TECRL: variants seen among roughly 807,000 people sequenced by gnomAD.
TECRL encodes the protein trans-2,3-enoyl-CoA reductase like, also known as trans-2,3-enoyl-CoA reductase-like.
In TECRL, 63 loss-of-function variants were observed where a neutral mutation model predicts 52.8. That is an observed-to-expected ratio of 1.19 (90% CI 0.97 to 1.47). TECRL has a LOEUF of 1.47. TECRL is among the 40% of genes most tolerant of loss of function. The pLI, the probability that TECRL is intolerant of heterozygous loss-of-function variation, is 0.00. For missense variants in TECRL, 482 were observed against 429.6 expected, an observed-to-expected ratio of 1.12 and a Z score of -1.08; for synonymous variants, 164 against 141.9, an observed-to-expected ratio of 1.16 and a Z score of -1.10.
intron 1 of TECRL, among the ~76,000 whole-genome samples, chr4:64,379,246 A>G (rs1310394300): frequency 1.2e-5 from 1 of 84,156 alleles, no homozygotes; most frequent in Non-Finnish European, 2.3e-5. Flanking sequence ...ACACACACAC[A>G]TACACACACA....
At chr4:64,305,099 T>C in intron 7 of TECRL, 67 bp downstream of exon 7, 3 of 1,098,360 alleles carry the variant, frequency 2.7e-6, no homozygotes, top group Non-Finnish European at 3.9e-6. Flanking sequence ...TTTATGTATG[T>C]CATTTAGAAT....
intron 4 of TECRL, among the ~76,000 whole-genome samples, chr4:64,319,312 G>A (rs1173279034): frequency 1.4e-5 from 2 of 142,750 alleles, no homozygotes; most frequent in African/African-American, 5.4e-5. Context: ...AATAAAAATA[G>A]GGTATCATTA....
intron 2 of TECRL, among the ~76,000 whole-genome samples, chr4:64,361,157 T>C (rs1271427076): frequency 6.6e-6 from 1 of 152,102 alleles, no homozygotes; most frequent in Non-Finnish European, 1.5e-5. Context: ...GTCACTGCCA[T>C]AGCTTTCACC....
chr4:64,337,784 G>A (rs1719220249), intron 2 of TECRL, among the ~76,000 whole-genome samples: 1 of 151,968 alleles, frequency 6.6e-6, no homozygotes, highest in Non-Finnish European at 1.5e-5. Flanking sequence ...AAGAGGAGAG[G>A]GCACAAACAA....
chr4:64,300,059 T>A (rs750404424), intron 7 of TECRL, 42 bp from the exon 8 acceptor site: 1 of 1,482,274 alleles, frequency 6.7e-7, no homozygotes, highest in Non-Finnish European at 9.2e-7. Flanking sequence ...ATACTCATAG[T>A]TTGGATTGTC....
intron 8 of TECRL, among the ~76,000 whole-genome samples, chr4:64,293,157 T>C (rs1723485819): frequency 6.6e-6 from 1 of 152,124 alleles, no homozygotes; most frequent in African/African-American, 2.4e-5. Flanking sequence ...CAAAATAAAT[T>C]GTCAACTAAT....
chr4:64,361,931 A>C (rs1288708969), intron 2 of TECRL, among the ~76,000 whole-genome samples: 1 of 152,176 alleles, frequency 6.6e-6, no homozygotes, highest in Non-Finnish European at 1.5e-5. Context: ...GATACAGCAG[A>C]AGGTTAAAAT....
At chr4:64,401,864 T>C (rs1724382299) in intron 1 of TECRL, among the ~76,000 whole-genome samples, 1 of 152,154 alleles carries the variant, frequency 6.6e-6, no homozygotes, top group African/African-American at 2.4e-5. Context: ...GGTTTTCTCT[T>C]ATTTGCACAA....
intron 2 of TECRL, among the ~76,000 whole-genome samples, chr4:64,347,005 G>A (rs927660119): frequency 1.3e-5 from 2 of 152,132 alleles, no homozygotes; most frequent in Admixed American, 1.3e-4. Flanking sequence ...ACCCAGAATT[G>A]TGTTATTTGA....
intron 4 of TECRL, among the ~76,000 whole-genome samples, chr4:64,320,794 G>T (rs914100771): frequency 6.6e-6 from 1 of 151,990 alleles, no homozygotes; most frequent in African/African-American, 2.4e-5. Context: ...TTAAGCAAAG[G>T]TCTGTAGACA....
intron 1 of TECRL, among the ~76,000 whole-genome samples, chr4:64,385,943 A>G (rs1032510431): frequency 2.6e-5 from 4 of 152,074 alleles, no homozygotes; most frequent in Non-Finnish European, 5.9e-5. Flanking sequence ...ACCTTTCATG[A>G]TTCAGAGCTT....
At chr4:64,365,781 T>A (rs560498422) in intron 2 of TECRL, among the ~76,000 whole-genome samples, 25 of 151,694 alleles carry the variant, frequency 1.6e-4, no homozygotes, top group Non-Finnish European at 2.9e-4. Flanking sequence ...AAAGAATCAA[T>A]ATTGTTAAAA....
Position 64,281,570 on chromosome 4 carries a change from G to A in TECRL, c.833-11C>T, listed in dbSNP as rs1722831526. On this transcript the variant is annotated splice_polypyrimidine_tract_variant and intron_variant, in intron 9 of 11. Coordinates refer to ENST00000381210, the MANE Select transcript of TECRL (RefSeq NM_001010874.5). ...AACAGGCATTGTTTCCTTTTTCAAA[G>A]GAAAGTAAAATGTCAATGATGCTAC... 4.0e-6 allele frequency: 6 copies of A among 1,508,796 alleles called. No homozygotes were observed. The South Asian group carries it at 4.6e-5, about 12-fold the overall frequency. The allele number at this position is 1,508,796 out of a possible 1,614,324, so 93.5% of individuals were successfully genotyped here. A position where few individuals can be genotyped will look rare whatever the true frequency, so the allele number is the denominator to read the frequency against.
chr4:64,295,897 T>C (rs1277329185), intron 8 of TECRL, among the ~76,000 whole-genome samples: 1 of 151,966 alleles, frequency 6.6e-6, no homozygotes, highest in African/African-American at 2.4e-5. Context: ...AATAAATTTT[T>C]AATAAGTAGT....
chr4:64,299,053 T>C (rs765309798), intron 8 of TECRL: 1 of 151,220 alleles, frequency 6.6e-6, no homozygotes. Context: ...ATCTGTGCTA[T>C]CTATTCAAAC....
intron 2 of TECRL, among the ~76,000 whole-genome samples, chr4:64,342,090 C>T (rs1719618980): frequency 6.6e-6 from 1 of 152,198 alleles, no homozygotes; most frequent in Non-Finnish European, 1.5e-5. Context: ...TCACTAGCCA[C>T]AAGTTTCCAG....
chr4:64,355,165 G>A (rs1473146467), intron 2 of TECRL, among the ~76,000 whole-genome samples: 2 of 151,990 alleles, frequency 1.3e-5, no homozygotes, highest in East Asian at 1.9e-4. Context: ...AAGTTGGATA[G>A]GTCATTATAA....
At chr4:64,367,476 T>C (rs149092352) in intron 2 of TECRL, among the ~76,000 whole-genome samples, 2,223 of 152,226 alleles carry the variant, frequency 0.015, 56 homozygotes, top group Admixed American at 0.061. Flanking sequence ...TTTGTGCATG[T>C]ATGTGGGCAA....
intron 1 of TECRL, among the ~76,000 whole-genome samples, chr4:64,400,077 T>C (rs1724244665): frequency 2.0e-5 from 3 of 152,210 alleles, no homozygotes; most frequent in South Asian, 2.1e-4. Flanking sequence ...AGAGCAGCCA[T>C]AGGGACTGAA....
Sources: allele counts gnomAD v4.1 joint callset (sites outside exome capture counted in the v4.1 genomes callset), GRCh38; gene constraint gnomAD v4.1.1; transcripts MANE v1.5; gene names NCBI Gene and HGNC (gene_info 2026-07-23, HGNC 2026-07-21).